TTC38: variants seen among roughly 807,000 people sequenced by gnomAD.
TTC38 encodes tetratricopeptide repeat protein 38.
In TTC38, 64 loss-of-function variants were observed where a neutral mutation model predicts 64.2. The observed-to-expected ratio is 1.00, with a 90% CI of 0.81 to 1.23. The LOEUF is 1.23. Among genes scored for constraint, TTC38 ranks in the 50% most tolerant of loss-of-function variants. The pLI is 0.00. For missense variants in TTC38, 573 were observed against 615.5 expected (o/e 0.93, Z 0.73); for synonymous variants, 254 against 249.3 (o/e 1.02, Z -0.18).
rs752764560 is a variant in TTC38, at chr22:46,285,271, G to A, written c.826G>A (p.Asp276Asn). The A allele has an allele frequency of 9.9e-6, 16 of 1,614,028 alleles. No homozygotes were observed. The highest frequency in any genetic ancestry group is 1.6e-4 in the Middle Eastern group (1 of 6,084). ...GEYEAALTIY[D>N]THILPSLQAN... ...ATATGAGGCCGCGCTGACCATCTACGATACCCACGTAAGTTGCATTCACAC... is the reference window on the plus strand; with the variant it reads ...ATATGAGGCCGCGCTGACCATCTACAATACCCACGTAAGTTGCATTCACAC... Residue 276 changes from aspartate to asparagine, a missense_variant, in exon 9 of 14, where the codon GAT becomes AAT. Physicochemically the swap from Asp to Asn is conservative, Grantham distance 23. This residue lies in a region of TTC38 where 371 missense variants were observed against 381.8 expected (regional missense o/e 0.97). Coordinates refer to ENST00000381031, the MANE Select transcript of TTC38 (RefSeq NM_017931.4).
chr22:46,290,387 G>A lies in TTC38; in HGVS notation c.1316+488G>A, dbSNP rs555287676. Among the ~76,000 whole-genome samples, 12 of 152,284 alleles carry A rather than the reference G, an allele frequency of 7.9e-5. No individual in the cohort carries two copies. In the South Asian group the frequency reaches 2.1e-3, roughly 26 times the overall value. On this transcript the variant is annotated intron_variant, in intron 13 of 13. Transcript: ENST00000381031. Reference sequence around the variant, plus strand: ...AGGGAGCAATCAGTCCCACAGACACGTAAACTCGCACTGAGGGAGCAGCAG... The same window carrying A: ...AGGGAGCAATCAGTCCCACAGACACATAAACTCGCACTGAGGGAGCAGCAG...
chr22:46,268,034 C>T lies in TTC38; in HGVS notation c.-6C>T, dbSNP rs1256406053. On this transcript the variant is annotated 5_prime_UTR_variant, in exon 1 of 14. Transcript: ENST00000381031. Reference sequence around the variant, plus strand: ...GAGCTCGCGGTGGACTCCGACCCGGCGCAACATGGCCGCAGCCTCGCCTCT... The same window carrying T: ...GAGCTCGCGGTGGACTCCGACCCGGTGCAACATGGCCGCAGCCTCGCCTCT... 20 of 1,538,786 alleles carry T rather than the reference C, an allele frequency of 1.3e-5. No individual in the cohort carries two copies. The highest frequency in any genetic ancestry group is 1.9e-5 in the Admixed American group (1 of 51,752).
At position 46,276,214 on chromosome 22, in the gene TTC38, G is replaced by A. The variant is rs1937004497; in HGVS notation, c.539+793G>A. 6.6e-6 allele frequency among the ~76,000 whole-genome samples: 1 copy of A among 152,162 alleles called. No homozygotes were observed. The highest frequency in any genetic ancestry group is 6.5e-5 in the Admixed American group (1 of 15,276). On this transcript the variant is annotated intron_variant, in intron 5 of 13. Transcript: ENST00000381031. This position sits in a 1 kb window ranked among gnomAD's most constrained non-coding sequence, Gnocchi z 4.7. ...AGGGCTGGCAAGTTCAAAATCTGTA[G>A]GGCAGGGCAGCAAGCTGGAAATCGC...
chr22:46,277,877 A>C (rs1263720435), intron 5 of TTC38, among the ~76,000 whole-genome samples: 1 of 152,110 alleles, frequency 6.6e-6, no homozygotes, highest in Non-Finnish European at 1.5e-5. Context: ...CCCCTGGGTC[A>C]TGCCTCTGGG....
Position 46,284,868 on chromosome 22 carries a change from C to CAAAAAA in TTC38, c.796-356_796-351dup, listed in dbSNP as rs130641. ...TGGGTGACAGAGTGAGACCCCATCT[C>CAAAAAA]AAAAAAAAAAAAAAAAAAAAAAGAA... On this transcript the variant is annotated intron_variant, in intron 8 of 13. Coordinates refer to ENST00000381031, the MANE Select transcript of TTC38 (RefSeq NM_017931.4). Among the ~76,000 whole-genome samples, 434 of 74,788 alleles carry CAAAAAA rather than the reference C, an allele frequency of 5.8e-3. 1 individual carries two copies. The highest frequency in any genetic ancestry group is 7.5e-3 in the African/African-American group (131 of 17,400). The allele number at this position is 74,788 out of a possible 152,430, so 49.1% of individuals were successfully genotyped here.
chr22:46,287,542 C>A (rs1169430695), intron 10 of TTC38, among the ~76,000 whole-genome samples: 1 of 152,222 alleles, frequency 6.6e-6, no homozygotes, highest in East Asian at 1.9e-4. Context: ...TCTCAACTCC[C>A]TGGGATTGTA....
At chr22:46,284,891 GAAAA>G (rs2077560640) in intron 8 of TTC38, among the ~76,000 whole-genome samples, 1 of 123,508 alleles carries the variant, frequency 8.1e-6, no homozygotes, top group Non-Finnish European at 1.7e-5. Context: ...AAAAAAAAAA[GAAAA>G]AGGCTAGAAA....
At chr22:46,285,202 C>A in intron 8 of TTC38, 39 bp from the exon 9 acceptor site, 1 of 1,605,350 alleles carries the variant, frequency 6.2e-7, no homozygotes, top group East Asian at 2.2e-5. Flanking sequence ...TACACTTTGC[C>A]TTCTCCAGGG....
chr22:46,286,359 G>A (rs2077571473), intron 9 of TTC38, among the ~76,000 whole-genome samples: 1 of 152,060 alleles, frequency 6.6e-6, no homozygotes, highest in Non-Finnish European at 1.5e-5. Context: ...TCAGGAAGCT[G>A]TAGTAAGAAA....
rs960775556 is a variant in TTC38, at chr22:46,273,666, A to G, written c.194-232A>G. Reference sequence around the variant, plus strand: ...GCTTTAGACACTGGCACTCAGCAGAATGCCCTCACTAGAAAAATGTTCAAG... The same window carrying G: ...GCTTTAGACACTGGCACTCAGCAGAGTGCCCTCACTAGAAAAATGTTCAAG... On this transcript the variant is annotated intron_variant, in intron 3 of 13. Transcript: ENST00000381031. The surrounding 1 kb of genome is among the most constrained non-coding windows in gnomAD (Gnocchi z 5.1). Among the ~76,000 whole-genome samples the G allele has an allele frequency of 2.0e-5, 3 of 152,216 alleles. No homozygotes were observed. Among genetic ancestry groups the G allele is most frequent in the African/African-American group, 7.2e-5 (3 of 41,454 alleles).
At position 46,271,900 on chromosome 22, in the gene TTC38, G is replaced by GT. The variant is rs1936904546; in HGVS notation, c.112-434dup. Among the ~76,000 whole-genome samples the GT allele has an allele frequency of 1.3e-5, 2 of 152,168 alleles. No homozygotes were observed. Among genetic ancestry groups the GT allele is most frequent in the African/African-American group, 4.8e-5 (2 of 41,436 alleles). On this transcript the variant is annotated intron_variant, in intron 2 of 13. Coordinates refer to ENST00000381031, the MANE Select transcript of TTC38 (RefSeq NM_017931.4). This position sits in a 1 kb window ranked among gnomAD's most constrained non-coding sequence, Gnocchi z 5.5. Reference sequence around the variant, plus strand: ...TGGGTGATGTGTATTTCATTTCTTCGTATGAAGAAAGTTATCAGCCAGGTT... The same window carrying GT: ...TGGGTGATGTGTATTTCATTTCTTCGTTATGAAGAAAGTTATCAGCCAGGTT...
intron 2 of TTC38, among the ~76,000 whole-genome samples, chr22:46,269,627 A>G (rs146928573): frequency 2.0e-5 from 3 of 152,352 alleles, no homozygotes; most frequent in Non-Finnish European, 4.4e-5. Context: ...TACGGGCTGA[A>G]CAAGAGAGGA....
At chr22:46,285,095 C>G (rs1446013904) in intron 8 of TTC38, 146 bp from the exon 9 acceptor site, 1 of 697,348 alleles carries the variant, frequency 1.4e-6, no homozygotes, top group Non-Finnish European at 2.5e-6. Context: ...CGAATGCCAC[C>G]AAGACACCGT....
Position 46,281,553 on chromosome 22 carries a change from G to A in TTC38, c.616-46G>A. ...CTGCCGTCGCCTGCCCCGGCAGCCTGACTGATCTGCTTTATCTGGAATCCT... is the reference window on the plus strand; with the variant it reads ...CTGCCGTCGCCTGCCCCGGCAGCCTAACTGATCTGCTTTATCTGGAATCCT... On this transcript the variant is annotated intron_variant, in intron 6 of 13. Coordinates refer to ENST00000381031, the MANE Select transcript of TTC38 (RefSeq NM_017931.4). This position sits in a 1 kb window ranked among gnomAD's most constrained non-coding sequence, Gnocchi z 5.2. The A allele has an allele frequency of 3.7e-6, 6 of 1,604,390 alleles. No homozygotes were observed. The highest frequency in any genetic ancestry group is 4.3e-6 in the Non-Finnish European group (5 of 1,173,052).
chr22:46,290,553 A>AGGAGGGTGGTGTGGCT (rs2077607283), intron 13 of TTC38, among the ~76,000 whole-genome samples: 1 of 112,430 alleles, frequency 8.9e-6, no homozygotes, highest in South Asian at 2.7e-4. Context: ...GGAGGGTGTT[A>AGGAGGGTGGTGTGGCT]GGAGGGTGGT....
intron 11 of TTC38, among the ~76,000 whole-genome samples, chr22:46,289,059 G>A (rs1409239435): frequency 6.6e-6 from 1 of 152,222 alleles, no homozygotes; most frequent in Non-Finnish European, 1.5e-5. Flanking sequence ...TCCCTTCCGG[G>A]GGTGATGATT....
chr22:46,292,470 C>T lies in TTC38; in HGVS notation c.1317-321C>T, dbSNP rs2077622937. ...TTTGGGCTTCAACATATACATTTAG[C>T]CTGGACACAGACATTCAGTCCACAG... On this transcript the variant is annotated intron_variant, in intron 13 of 13. Coordinates refer to ENST00000381031, the MANE Select transcript of TTC38 (RefSeq NM_017931.4). The surrounding 1 kb of genome is among the most constrained non-coding windows in gnomAD (Gnocchi z 6.5). 3 of 386,480 alleles carry T rather than the reference C, an allele frequency of 7.8e-6. No individual in the cohort carries two copies. The highest frequency in any genetic ancestry group is 3.1e-5 in the South Asian group (1 of 32,106). The allele number at this position is 386,480 out of a possible 1,614,324, so 23.9% of individuals were successfully genotyped here.
chr22:46,281,569 C>A lies in TTC38; in HGVS notation c.616-30C>A, dbSNP rs1219648768. On this transcript the variant is annotated intron_variant, in intron 6 of 13. Transcript: ENST00000381031. The surrounding 1 kb of genome is among the most constrained non-coding windows in gnomAD (Gnocchi z 5.2). ...CGGCAGCCTGACTGATCTGCTTTAT[C>A]TGGAATCCTCTTCCCCGCACCCTGC... 1.9e-6 allele frequency: 3 copies of A among 1,601,956 alleles called. No individual in the cohort carries two copies. The highest frequency in any genetic ancestry group is 2.7e-5 in the African/African-American group (2 of 74,638).
At chr22:46,268,655 G>A in intron 2 of TTC38, 64 bp downstream of exon 2, 4 of 1,487,738 alleles carry the variant, frequency 2.7e-6, no homozygotes, top group Non-Finnish European at 3.7e-6. Context: ...TTTTTAATTG[G>A]GGAAAGCTGT....
Sources: allele counts gnomAD v4.1 joint callset (sites outside exome capture counted in the v4.1 genomes callset), GRCh38; gene constraint gnomAD v4.1.1; regional missense constraint gnomAD v4.1.1; non-coding constraint Gnocchi (gnomAD v3.1); transcripts MANE v1.5; gene names NCBI Gene and HGNC (gene_info 2026-07-23, HGNC 2026-07-21).